OPCML: variants seen among roughly 807,000 people sequenced by gnomAD.
OPCML encodes opioid binding protein/cell adhesion molecule like, also known as opioid-binding protein/cell adhesion molecule.
A neutral mutation model predicts 37.8 loss-of-function variants in OPCML; 13 were observed. The ratio of observed to expected loss-of-function variants is 0.34; its 90% CI spans 0.22 to 0.55. The LOEUF is 0.55. OPCML is among the 20% of genes least tolerant of loss of function. The probability of loss-of-function intolerance (pLI) is 0.91; values close to 1 mark genes in which losing one functional copy is unlikely to be tolerated. For synonymous variants in OPCML, 176 were observed against 168.8 expected (o/e 1.04, Z -0.33); for missense variants, 341 against 435.6 (o/e 0.78, Z 1.93).
At chr11:133,039,774 G>A (rs942264107) in intron 1 of OPCML, among the ~76,000 whole-genome samples, 5 of 152,042 alleles carry the variant, frequency 3.3e-5, no homozygotes, top group African/African-American at 1.2e-4. Flanking sequence ...GAAAGATTGG[G>A]GGAGGACAAC....
At chr11:132,634,435 C>A (rs1940352336) in intron 3 of OPCML, among the ~76,000 whole-genome samples, 1 of 152,156 alleles carries the variant, frequency 6.6e-6, no homozygotes, top group Non-Finnish European at 1.5e-5. Context: ...CTTTTGAGTT[C>A]TCATTCCCAA....
intron 1 of OPCML, among the ~76,000 whole-genome samples, chr11:133,303,708 C>T (rs2136571814): frequency 6.6e-6 from 1 of 152,158 alleles, no homozygotes; most frequent in South Asian, 2.1e-4. Flanking sequence ...TAGTCATTTA[C>T]TAGTTAGCAC....
At chr11:132,461,549 C>T (rs11604469) in intron 4 of OPCML, among the ~76,000 whole-genome samples, 1 of 151,768 alleles carries the variant, frequency 6.6e-6, no homozygotes, top group Admixed American at 6.6e-5. Context: ...CATGGGTAAA[C>T]AAAAAAATGG....
At chr11:133,034,428 T>C (rs960932998) in intron 1 of OPCML, among the ~76,000 whole-genome samples, 3 of 152,026 alleles carry the variant, frequency 2.0e-5, no homozygotes, top group South Asian at 4.1e-4. Context: ...TATTTGACCT[T>C]AGGCCAGTAC....
intron 1 of OPCML, among the ~76,000 whole-genome samples, chr11:133,232,811 C>A (rs1381818024): frequency 4.6e-5 from 7 of 152,192 alleles, no homozygotes; most frequent in Non-Finnish European, 1.0e-4. Context: ...ACAGGTCGGA[C>A]TGCCACCAAG....
chr11:133,023,115 C>G (rs1947483725), intron 1 of OPCML, among the ~76,000 whole-genome samples: 1 of 152,332 alleles, frequency 6.6e-6, no homozygotes, highest in East Asian at 1.9e-4. Flanking sequence ...TCTATTGCAA[C>G]CCCGACCTGG....
chr11:133,386,841 G>A (rs1050477820), intron 1 of OPCML, among the ~76,000 whole-genome samples: 1 of 152,166 alleles, frequency 6.6e-6, no homozygotes, highest in Non-Finnish European at 1.5e-5. Flanking sequence ...AGCCCCACAC[G>A]GCAGCAGGGA....
intron 2 of OPCML, among the ~76,000 whole-genome samples, chr11:132,746,361 TG>T (rs1945635779): frequency 6.6e-6 from 1 of 152,158 alleles, no homozygotes; most frequent in African/African-American, 2.4e-5. Flanking sequence ...CCTAGCCAAG[TG>T]CCATGTCACA....
intron 2 of OPCML, among the ~76,000 whole-genome samples, chr11:132,841,526 T>C (rs1427140036): frequency 6.6e-6 from 1 of 152,080 alleles, no homozygotes; most frequent in East Asian, 1.9e-4. Flanking sequence ...GAAAAGTGTG[T>C]CCCTCAAAAA....
At chr11:132,482,047 G>A (rs1272688802) in intron 4 of OPCML, among the ~76,000 whole-genome samples, 3 of 150,466 alleles carry the variant, frequency 2.0e-5, no homozygotes, top group African/African-American at 7.3e-5. Flanking sequence ...AAAGCTAACA[G>A]AAGGCAAGAA....
At chr11:133,462,897 C>T (rs936194977) in intron 1 of OPCML, among the ~76,000 whole-genome samples, 14 of 151,930 alleles carry the variant, frequency 9.2e-5, no homozygotes, top group Non-Finnish European at 8.8e-5. Flanking sequence ...TTTATAATAG[C>T]CTTCATTACA....
intron 2 of OPCML, among the ~76,000 whole-genome samples, chr11:132,928,524 G>C (rs1945076785): frequency 6.6e-6 from 1 of 151,936 alleles, no homozygotes; most frequent in African/African-American, 2.4e-5. Context: ...AGACCAGTAG[G>C]AGACATTAGC....
chr11:132,629,631 G>A (rs571862895), intron 3 of OPCML, among the ~76,000 whole-genome samples: 1 of 152,180 alleles, frequency 6.6e-6, no homozygotes, highest in South Asian at 2.1e-4. Flanking sequence ...ATCTAAAAAT[G>A]ATTTTTTGCT....
At chr11:132,490,935 C>T (rs1045747342) in intron 4 of OPCML, among the ~76,000 whole-genome samples, 1 of 152,152 alleles carries the variant, frequency 6.6e-6, no homozygotes, top group African/African-American at 2.4e-5. Flanking sequence ...CCCTCTGTTT[C>T]CTTCATTTTG....
At chr11:132,561,524 C>G (rs906642095) in intron 3 of OPCML, among the ~76,000 whole-genome samples, 2 of 152,198 alleles carry the variant, frequency 1.3e-5, no homozygotes, top group African/African-American at 4.8e-5. Flanking sequence ...TTTTCAGGGC[C>G]TGGTCCAGGG....
At chr11:133,151,343 G>T (rs1949982461) in intron 1 of OPCML, among the ~76,000 whole-genome samples, 1 of 151,918 alleles carries the variant, frequency 6.6e-6, no homozygotes, top group Non-Finnish European at 1.5e-5. Flanking sequence ...GGAAAACAAG[G>T]ATCTAATGGG....
chr11:133,173,709 T>G lies in OPCML; in HGVS notation c.62-230699A>C, dbSNP rs1169538665. ...CGAGAACCATCAGCACCGACTTAGC[T>G]TCAATCCTGTGGCAGTTTAAGAATC... On this transcript the variant is annotated intron_variant, in intron 1 of 7. Coordinates refer to ENST00000524381, the MANE Select transcript of OPCML (RefSeq NM_001012393.5). The surrounding 1 kb of genome is among the most constrained non-coding windows in gnomAD (Gnocchi z 7.8). 6.6e-6 allele frequency among the ~76,000 whole-genome samples: 1 copy of G among 152,232 alleles called. No individual in the cohort carries two copies.
chr11:132,558,504 C>T (rs1228025474), intron 3 of OPCML, among the ~76,000 whole-genome samples: 1 of 121,288 alleles, frequency 8.2e-6, no homozygotes, highest in Non-Finnish European at 1.7e-5. Flanking sequence ...CCCTCCTCCC[C>T]CCGCCCCGTT....
intron 1 of OPCML, among the ~76,000 whole-genome samples, chr11:133,077,082 T>G (rs1948632051): frequency 1.3e-5 from 2 of 152,042 alleles, no homozygotes; most frequent in African/African-American, 4.8e-5. Context: ...AGAGTATCAC[T>G]CTTTCTGGGT....
Sources: allele counts gnomAD v4.1 joint callset (sites outside exome capture counted in the v4.1 genomes callset), GRCh38; gene constraint gnomAD v4.1.1; non-coding constraint Gnocchi (gnomAD v3.1); transcripts MANE v1.5; gene names NCBI Gene and HGNC (gene_info 2026-07-23, HGNC 2026-07-21).